The following TDRD3 variants were observed in gnomAD, a reference collection of about 807,000 sequenced individuals.
TDRD3 encodes the protein tudor domain-containing protein 3.
TDRD3 carries 45 observed loss-of-function variants against 86.7 expected under a neutral mutation model. The ratio of observed to expected loss-of-function variants is 0.52; its 90% CI spans 0.41 to 0.67. The LOEUF is 0.67. TDRD3 is among the 30% of genes least tolerant of loss of function. The pLI, the probability that TDRD3 is intolerant of heterozygous loss-of-function variation, is 0.00. For missense variants in TDRD3, 814 were observed against 889.0 expected, an observed-to-expected ratio of 0.92 and a Z score of 1.07; for synonymous variants, 298 against 301.7, an observed-to-expected ratio of 0.99 and a Z score of 0.13.
At chr13:60,432,695 G>T (rs115586682) in intron 1 of TDRD3, among the ~76,000 whole-genome samples, 1 of 152,152 alleles carries the variant, frequency 6.6e-6, no homozygotes, top group East Asian at 1.9e-4. Context: ...ATTTGCAGTA[G>T]GTCAGTTACT....
chr13:60,408,018 C>G (rs1049692747), intron 1 of TDRD3, among the ~76,000 whole-genome samples: 2 of 152,164 alleles, frequency 1.3e-5, no homozygotes, highest in African/African-American at 4.8e-5. Flanking sequence ...CTCATTTTCT[C>G]TTGCCGCCGC....
chr13:60,530,057 G>A (rs1000958396), intron 11 of TDRD3, among the ~76,000 whole-genome samples: 2 of 152,130 alleles, frequency 1.3e-5, no homozygotes, highest in Admixed American at 1.3e-4. Flanking sequence ...AACCTTCTTT[G>A]ACCTGCCCCA....
At chr13:60,549,652 A>C (rs1469840890) in intron 12 of TDRD3, among the ~76,000 whole-genome samples, 3 of 152,092 alleles carry the variant, frequency 2.0e-5, no homozygotes, top group Admixed American at 2.0e-4. Context: ...ATATTTACTA[A>C]ATTTTTCCTT....
intron 1 of TDRD3, among the ~76,000 whole-genome samples, chr13:60,404,191 G>A (rs1954173455): frequency 6.6e-6 from 1 of 151,880 alleles, no homozygotes; most frequent in Non-Finnish European, 1.5e-5. Flanking sequence ...ACAAGGCACT[G>A]TATATGTTTT....
At chr13:60,570,327 C>T (rs1958559362) in intron 13 of TDRD3, among the ~76,000 whole-genome samples, 1 of 152,138 alleles carries the variant, frequency 6.6e-6, no homozygotes, top group African/African-American at 2.4e-5. Flanking sequence ...CATCATTAAT[C>T]ATCAGAGAAA....
chr13:60,529,800 AAG>A (rs759387567), intron 11 of TDRD3, among the ~76,000 whole-genome samples: 2 of 152,168 alleles, frequency 1.3e-5, no homozygotes, highest in African/African-American at 2.4e-5. Context: ...AAGGCAAAGA[AAG>A]AAATTGTAGG....
rs770518951 is a variant in TDRD3 at position 60,529,187 on chromosome 13, A to G, written c.1962A>G (p.Glu654=). 1.9e-6 allele frequency: 3 copies of G among 1,606,490 alleles called. No homozygotes were observed. The South Asian group carries it at 3.4e-5, about 18-fold the overall frequency. Residue 654 remains glutamate, a synonymous_variant, in exon 11 of 14, where the codon GAA becomes GAG. Coordinates refer to ENST00000377881, the MANE Select transcript of TDRD3 (RefSeq NM_001146070.2). ...EYAKMWKPGD[E]CFALYWEDNK... Reference sequence around the variant, plus strand: ...CAAAAATGTGGAAACCTGGAGATGAATGTTTTGCACTTTATTGGGAAGACA... The same window carrying G: ...CAAAAATGTGGAAACCTGGAGATGAGTGTTTTGCACTTTATTGGGAAGACA...
At chr13:60,465,250 A>G (rs1242115625) in intron 4 of TDRD3, among the ~76,000 whole-genome samples, 1 of 152,218 alleles carries the variant, frequency 6.6e-6, no homozygotes, top group Non-Finnish European at 1.5e-5. Context: ...GGAGGTAAAG[A>G]GTACAGTAGC....
chr13:60,508,098 A>G (rs1438963590), intron 8 of TDRD3, among the ~76,000 whole-genome samples: 1 of 152,178 alleles, frequency 6.6e-6, no homozygotes, highest in Non-Finnish European at 1.5e-5. Flanking sequence ...ACTAGAAACC[A>G]TTGCTCAAGG....
rs201387227 is a variant in TDRD3 at position 60,528,772 on chromosome 13, C to A, written c.1547C>A (p.Ala516Glu). ...GGAAAAGGTCCCTCCTTTGCAGAGG[C>A]AAAAGAAAATCCACTTCCTCAAGGA... Reference protein sequence around the residue: ...RSGKGPSFAEAKENPLPQGSV... With the variant: ...RSGKGPSFAEEKENPLPQGSV... Residue 516 changes from alanine (A) to glutamate (E), a missense_variant, in exon 11 of 14, where the codon GCA becomes GAA. Coordinates refer to ENST00000377881, the MANE Select transcript of TDRD3 (RefSeq NM_001146070.2). The A allele has an allele frequency of 1.2e-6, 2 of 1,613,460 alleles. No homozygotes were observed. Among genetic ancestry groups the A allele is most frequent in the African/African-American group, 1.3e-5 (1 of 74,978 alleles).
intron 13 of TDRD3, among the ~76,000 whole-genome samples, 193 bp from the exon 14 acceptor site, chr13:60,573,423 A>G (rs895837588): frequency 2.6e-5 from 4 of 152,204 alleles, no homozygotes; most frequent in Non-Finnish European, 1.5e-5. Context: ...TTTCAAAAAA[A>G]TTTTGCTTTT....
chr13:60,525,166 CTT>C (rs71199006), intron 10 of TDRD3, among the ~76,000 whole-genome samples: 7 of 56,092 alleles, frequency 1.2e-4, no homozygotes, highest in South Asian at 9.9e-4. Flanking sequence ...TAAGGGAATT[CTT>C]TTTTTTTTTT....
At position 60,497,165 on chromosome 13, in the gene TDRD3, G is replaced by T. The variant is rs574492139; in HGVS notation, c.858+2590G>T. 4.6e-5 allele frequency among the ~76,000 whole-genome samples: 7 copies of T among 152,230 alleles called. No individual in the cohort carries two copies. The South Asian group carries it at 1.0e-3, about 23-fold the overall frequency. On this transcript the variant is annotated intron_variant, in intron 8 of 13. Coordinates refer to ENST00000377881, the MANE Select transcript of TDRD3 (RefSeq NM_001146070.2). ...TGGAAGTCAACGGCGGGTCTGGGAC[G>T]GCGGTGAACAGCAGTGGTGGATGGC... is the stretch of plus-strand genomic sequence containing the variant.
chr13:60,467,429 T>C (rs375470823), intron 5 of TDRD3, 50 bp downstream of exon 5: 1 of 1,595,428 alleles, frequency 6.3e-7, no homozygotes, highest in Non-Finnish European at 8.5e-7. Context: ...CTCTTTTTTA[T>C]TGCATTAAAG....
intron 12 of TDRD3, among the ~76,000 whole-genome samples, chr13:60,557,371 A>C (rs1264025645): frequency 6.6e-6 from 1 of 152,162 alleles, no homozygotes; most frequent in Non-Finnish European, 1.5e-5. Context: ...CCATGGATGA[A>C]TTTTGTGCTA....
intron 3 of TDRD3, among the ~76,000 whole-genome samples, chr13:60,448,505 C>T (rs1350456629): frequency 6.6e-6 from 1 of 152,056 alleles, no homozygotes; most frequent in African/African-American, 2.4e-5. Flanking sequence ...AAAGTTTCCC[C>T]AGAACCTTGA....
chr13:60,539,765 A>G (rs1200479570), intron 12 of TDRD3, among the ~76,000 whole-genome samples: 1 of 151,934 alleles, frequency 6.6e-6, no homozygotes, highest in East Asian at 1.9e-4. Flanking sequence ...CTATTATAAT[A>G]TTAAAAAGAA....
At chr13:60,429,989 G>T (rs1486488670) in intron 1 of TDRD3, among the ~76,000 whole-genome samples, 1 of 152,148 alleles carries the variant, frequency 6.6e-6, no homozygotes, top group African/African-American at 2.4e-5. Flanking sequence ...GGTATTACAT[G>T]CTGTCTCCTC....
chr13:60,509,061 A>G lies in TDRD3; in HGVS notation c.859-702A>G, dbSNP rs113259259. Among the ~76,000 whole-genome samples the G allele has an allele frequency of 8.4e-3, 1,273 of 152,330 alleles. 8 individuals carry two copies. The highest frequency in any genetic ancestry group is 0.024 in the Middle Eastern group (7 of 294). The stretch of plus-strand genomic sequence containing the variant: ...TAAAGAAATCAGGAAAACAATGTAT[A>G]AACATGTTAACTATTAGATGTATAA... On this transcript the variant is annotated intron_variant, in intron 8 of 13. Transcript: ENST00000377881.
Sources: allele counts gnomAD v4.1 joint callset (sites outside exome capture counted in the v4.1 genomes callset), GRCh38; gene constraint gnomAD v4.1.1; transcripts MANE v1.5; gene names NCBI Gene and HGNC (gene_info 2026-07-23, HGNC 2026-07-21).